The following LANCL2 variants were observed in gnomAD, a reference collection of about 807,000 sequenced individuals.
LANCL2 encodes LanC like glutathione S-transferase 2, also known as lanC-like protein 2.
LANCL2 carries 33 observed loss-of-function variants against 56.9 expected under a neutral mutation model. The ratio of observed to expected loss-of-function variants is 0.58; its 90% CI spans 0.44 to 0.78. The LOEUF (loss-of-function observed/expected upper bound fraction) is 0.78. Among genes scored for constraint, LANCL2 ranks in the 30% least tolerant of loss-of-function variants. The probability of loss-of-function intolerance (pLI) is 0.00; values close to 1 mark genes in which losing one functional copy is unlikely to be tolerated. For missense variants in LANCL2, 562 were observed against 580.2 expected (o/e 0.97, Z 0.32); for synonymous variants, 233 against 228.2 (o/e 1.02, Z -0.19).
At chr7:55,399,882 G>C in intron 3 of LANCL2, 75 bp from the exon 4 acceptor site, 6 of 1,158,092 alleles carry the variant, frequency 5.2e-6, no homozygotes, top group Non-Finnish European at 7.3e-6. Context: ...AATTCCTAAA[G>C]CAACAGGGTT....
chr7:55,426,782 CTG>C (rs1790668775), intron 7 of LANCL2, among the ~76,000 whole-genome samples: 1 of 152,256 alleles, frequency 6.6e-6, no homozygotes, highest in Admixed American at 6.5e-5. Context: ...GTGAACTACA[CTG>C]TGGCTGGAGC....
intron 6 of LANCL2, among the ~76,000 whole-genome samples, chr7:55,414,577 C>T (rs1481124139): frequency 6.6e-6 from 1 of 152,178 alleles, no homozygotes; most frequent in African/African-American, 2.4e-5. Context: ...TTTTCCCTCC[C>T]TGTAGATGCT....
At chr7:55,401,364 C>T in intron 5 of LANCL2, 44 bp downstream of exon 5, 1 of 1,537,148 alleles carries the variant, frequency 6.5e-7, no homozygotes, top group Non-Finnish European at 9.0e-7. Flanking sequence ...TTTGATCAAA[C>T]ATGAAATGGG....
At chr7:55,410,172 C>T (rs1489605106) in intron 5 of LANCL2, among the ~76,000 whole-genome samples, 5 of 152,192 alleles carry the variant, frequency 3.3e-5, no homozygotes, top group African/African-American at 1.2e-4. Context: ...GTCCTAGGAA[C>T]GACATGGTCT....
chr7:55,430,203 T>G (rs1790712885), intron 8 of LANCL2, among the ~76,000 whole-genome samples: 1 of 152,210 alleles, frequency 6.6e-6, no homozygotes. Flanking sequence ...GAACCTTTCT[T>G]TAAACAAAAA....
Position 55,432,364 on chromosome 7 carries a change from C to T in LANCL2, c.*1044C>T, listed in dbSNP as rs567285853. 6.6e-6 allele frequency: 1 copy of T among 152,212 alleles called. No homozygotes were observed. The highest frequency in any genetic ancestry group is 6.5e-5 in the Admixed American group (1 of 15,292). The allele number at this position is 152,212 out of a possible 1,614,324, so 9.4% of individuals were successfully genotyped here. A position where few individuals can be genotyped will look rare whatever the true frequency, so the allele number is the denominator to read the frequency against. ...ACTTTTGGGTGATAAAAAGTACTAGCCCTTATTTATAGATATGAGAAACAT... is the reference window on the plus strand; with the variant it reads ...ACTTTTGGGTGATAAAAAGTACTAGTCCTTATTTATAGATATGAGAAACAT... On this transcript the variant is annotated 3_prime_UTR_variant, in exon 9 of 9. Coordinates refer to ENST00000254770, the MANE Select transcript of LANCL2 (RefSeq NM_018697.4).
intron 1 of LANCL2, among the ~76,000 whole-genome samples, chr7:55,366,914 G>A (rs1034660642): frequency 6.6e-6 from 1 of 152,226 alleles, no homozygotes; most frequent in Non-Finnish European, 1.5e-5. Flanking sequence ...GAGGCTAATG[G>A]AAGATGGAAC....
At chr7:55,370,819 T>A (rs1029986898) in intron 1 of LANCL2, among the ~76,000 whole-genome samples, 2 of 152,120 alleles carry the variant, frequency 1.3e-5, no homozygotes, top group African/African-American at 4.8e-5. Context: ...TGAATGGCAC[T>A]GGGGAGTATT....
rs1273369823 is a variant in LANCL2 at position 55,402,850 on chromosome 7, G to C, written c.825+1530G>C. ...CCTCACATCCCAGACGGGGCGGCAG[G>C]GCAGAGGCGCTCCCCACATCTCAGA... On this transcript the variant is annotated intron_variant, in intron 5 of 8. Transcript: ENST00000254770. Among the ~76,000 whole-genome samples the C allele has an allele frequency of 7.3e-4, 107 of 147,350 alleles. 1 individual carries two copies. The highest frequency in any genetic ancestry group is 2.1e-4 in the Non-Finnish European group (14 of 66,192).
At chr7:55,400,160 G>C (rs1790304692) in intron 4 of LANCL2, 56 bp downstream of exon 4, 2 of 1,386,168 alleles carry the variant, frequency 1.4e-6, no homozygotes, top group African/African-American at 2.9e-5. Flanking sequence ...CTATTTGCTA[G>C]CATTGAGTTG....
intron 2 of LANCL2, among the ~76,000 whole-genome samples, chr7:55,392,452 A>C (rs1197085381): frequency 6.6e-6 from 1 of 151,778 alleles, no homozygotes; most frequent in East Asian, 2.0e-4. Context: ...CTGGGCTCAA[A>C]CCATCCTCTT....
At chr7:55,403,315 C>G (rs1289927084) in intron 5 of LANCL2, among the ~76,000 whole-genome samples, 4 of 152,092 alleles carry the variant, frequency 2.6e-5, no homozygotes, top group African/African-American at 9.6e-5. Flanking sequence ...TGGCGGCGCG[C>G]GCCTGCAATC....
At chr7:55,414,968 A>T (rs548258185) in intron 6 of LANCL2, among the ~76,000 whole-genome samples, 3 of 140,682 alleles carry the variant, frequency 2.1e-5, no homozygotes, top group Non-Finnish European at 1.5e-5. Flanking sequence ...TGGGTGACAC[A>T]GCAAGACCCT....
chr7:55,393,512 C>G (rs1444560468), intron 2 of LANCL2, among the ~76,000 whole-genome samples: 1 of 151,896 alleles, frequency 6.6e-6, no homozygotes, highest in African/African-American at 2.4e-5. Context: ...GTCTGGGCAA[C>G]AGGAGTGAGA....
intron 1 of LANCL2, among the ~76,000 whole-genome samples, chr7:55,366,947 A>C (rs929740533): frequency 7.9e-5 from 12 of 152,176 alleles, no homozygotes; most frequent in Non-Finnish European, 1.6e-4. Context: ...GTCTAGGTAG[A>C]AATCTCCGCC....
intron 1 of LANCL2, among the ~76,000 whole-genome samples, chr7:55,374,403 G>A (rs1314171232): frequency 6.6e-6 from 1 of 152,162 alleles, no homozygotes. Flanking sequence ...TTAGCAGAAT[G>A]AACTATTTTC....
chr7:55,389,269 G>A (rs865950312), intron 1 of LANCL2, among the ~76,000 whole-genome samples: 6 of 152,118 alleles, frequency 3.9e-5, no homozygotes, highest in Middle Eastern at 3.2e-3. Flanking sequence ...CCCACAGTGG[G>A]ACTGGAAAAG....
rs140428105 is a variant in LANCL2 at position 55,368,631 on chromosome 7, C to G, written c.204+2402C>G. 2.4e-4 allele frequency among the ~76,000 whole-genome samples: 36 copies of G among 151,852 alleles called. No individual in the cohort carries two copies. The East Asian group carries it at 6.8e-3, about 29-fold the overall frequency. On this transcript the variant is annotated intron_variant, in intron 1 of 8. Transcript: ENST00000254770. ...AAGAATGCAATTTGAGGATATCACA[C>G]TATGCACTGTTTTTGATAGACATGA...
intron 8 of LANCL2, 114 bp from the exon 9 acceptor site, chr7:55,431,112 C>T (rs1790722211): frequency 1.5e-6 from 1 of 650,300 alleles, no homozygotes; most frequent in Non-Finnish European, 2.5e-6. Flanking sequence ...TCTTTAGAGT[C>T]CTCAGCACCT....
Sources: allele counts gnomAD v4.1 joint callset (sites outside exome capture counted in the v4.1 genomes callset), GRCh38; gene constraint gnomAD v4.1.1; transcripts MANE v1.5; gene names NCBI Gene and HGNC (gene_info 2026-07-23, HGNC 2026-07-21).